Variants in PRMT3 observed in about 807,000 individuals in gnomAD.
PRMT3 encodes protein arginine N-methyltransferase 3.
Under a neutral mutation model 71.9 loss-of-function variants are expected in PRMT3, and 62 were observed. That is an observed-to-expected ratio of 0.86 (90% CI 0.70 to 1.07). The LOEUF (loss-of-function observed/expected upper bound fraction) is 1.07. Among genes scored for constraint, PRMT3 ranks in the 50% least tolerant of loss-of-function variants. PRMT3 has a pLI of 0.00. For synonymous variants in PRMT3, 213 were observed against 220.4 expected (o/e 0.97, Z 0.30); for missense variants, 663 against 643.0 (o/e 1.03, Z -0.34).
chr11:20,469,268 AATTTAGAAGTCATATGTTTT>A (rs1850587100), intron 13 of PRMT3, among the ~76,000 whole-genome samples: 1 of 152,190 alleles, frequency 6.6e-6, no homozygotes, highest in Admixed American at 6.5e-5. Flanking sequence ...AAGACTATAA[AATTTAGAAGTCATATGTTTT>A]ATCTTGTGAG....
In PRMT3 at chr11:20,387,869, A is replaced by G; in HGVS notation, c.28+95A>G. 8 of 1,531,114 alleles carry G rather than the reference A, an allele frequency of 5.2e-6. No individual in the cohort carries two copies. The highest frequency in any genetic ancestry group is 7.0e-6 in the Non-Finnish European group (8 of 1,136,918). 94.8% of individuals were successfully genotyped at this position (1,531,114 alleles called of 1,614,324 possible). On this transcript the variant is annotated intron_variant, in intron 1 of 15. Coordinates refer to ENST00000331079, the MANE Select transcript of PRMT3 (RefSeq NM_005788.4). The surrounding 1 kb of genome is among the most constrained non-coding windows in gnomAD (Gnocchi z 4.3). Reference sequence around the variant, plus strand: ...GACCCTCCGGGACACGGGCCCGGGCAGGGTGGGGGGCTCGCAGGGATCATG... The same window carrying G: ...GACCCTCCGGGACACGGGCCCGGGCGGGGTGGGGGGCTCGCAGGGATCATG...
chr11:20,501,705 T>G (rs1213145692), intron 15 of PRMT3, among the ~76,000 whole-genome samples: 1 of 152,212 alleles, frequency 6.6e-6, no homozygotes, highest in Non-Finnish European at 1.5e-5. Context: ...ATAGAGTTAT[T>G]TTGCCTAGAT....
intron 11 of PRMT3, among the ~76,000 whole-genome samples, chr11:20,455,442 T>C (rs1272753322): frequency 6.6e-6 from 1 of 152,134 alleles, no homozygotes; most frequent in Non-Finnish European, 1.5e-5. Flanking sequence ...AGATCCTGTC[T>C]ATGTCTCTTG....
chr11:20,433,516 A>G (rs533227896), intron 10 of PRMT3, among the ~76,000 whole-genome samples: 6 of 152,294 alleles, frequency 3.9e-5, no homozygotes, highest in South Asian at 2.1e-4. Flanking sequence ...TAATGCTGCA[A>G]TGAACATTCA....
At chr11:20,442,931 T>G (rs532780829) in intron 10 of PRMT3, among the ~76,000 whole-genome samples, 2 of 152,294 alleles carry the variant, frequency 1.3e-5, no homozygotes, top group East Asian at 3.9e-4. Context: ...GCATGATGGC[T>G]TATACCTGTA....
chr11:20,393,893 T>G (rs962334471), intron 5 of PRMT3: 5 of 152,188 alleles, frequency 3.3e-5, no homozygotes, highest in African/African-American at 4.8e-5. Context: ...ATACCAGCCT[T>G]ATATAGTTTG....
intron 13 of PRMT3, among the ~76,000 whole-genome samples, chr11:20,475,594 A>T (rs1461105704): frequency 6.7e-6 from 1 of 150,176 alleles, no homozygotes; most frequent in Non-Finnish European, 1.5e-5. Flanking sequence ...AAAGTCCTTT[A>T]TTTTGGATTC....
At chr11:20,441,134 T>G (rs944577810) in intron 10 of PRMT3, among the ~76,000 whole-genome samples, 2 of 151,944 alleles carry the variant, frequency 1.3e-5, no homozygotes, top group Non-Finnish European at 1.5e-5. Flanking sequence ...TTTTACTTTC[T>G]GGTACTAGAA....
intron 14 of PRMT3, 71 bp downstream of exon 14, chr11:20,494,040 A>G (rs1851274981): frequency 1.8e-5 from 27 of 1,466,004 alleles, no homozygotes; most frequent in Middle Eastern, 3.5e-4. Flanking sequence ...TTGTGCCCCA[A>G]GGTGTTTAAT....
chr11:20,430,316 G>A (rs1021305002), intron 10 of PRMT3, among the ~76,000 whole-genome samples: 1 of 152,130 alleles, frequency 6.6e-6, no homozygotes, highest in African/African-American at 2.4e-5. Flanking sequence ...ATCCGGTATA[G>A]CAGTGTAGAA....
At chr11:20,440,379 CT>C (rs1565213232) in intron 10 of PRMT3, among the ~76,000 whole-genome samples, 1 of 151,596 alleles carries the variant, frequency 6.6e-6, no homozygotes, top group African/African-American at 2.4e-5. Context: ...GGTGTGGTGG[CT>C]CACGCCTGTA....
chr11:20,417,645 A>G (rs972962092), intron 9 of PRMT3, among the ~76,000 whole-genome samples: 1 of 152,236 alleles, frequency 6.6e-6, no homozygotes, highest in African/African-American at 2.4e-5. Context: ...TAAGTAAAAT[A>G]TAGACTTGAA....
At chr11:20,498,053 A>T (rs1851373303) in intron 15 of PRMT3, among the ~76,000 whole-genome samples, 1 of 152,234 alleles carries the variant, frequency 6.6e-6, no homozygotes, top group Non-Finnish European at 1.5e-5. Context: ...TGAAAATGTC[A>T]TTTGATGGAA....
intron 3 of PRMT3, among the ~76,000 whole-genome samples, chr11:20,390,670 G>A (rs1848693125): frequency 6.6e-6 from 1 of 152,208 alleles, no homozygotes; most frequent in African/African-American, 2.4e-5. Context: ...ATGTAGAAGA[G>A]CTATACTACA....
intron 13 of PRMT3, among the ~76,000 whole-genome samples, chr11:20,493,458 A>G (rs1036703255): frequency 7.2e-5 from 11 of 152,226 alleles, no homozygotes; most frequent in Non-Finnish European, 1.5e-4. Flanking sequence ...CGATTCTGCA[A>G]TCCTGACTGG....
rs1047873791 is a variant in PRMT3 at position 20,421,084 on chromosome 11, G to A, written c.894-5682G>A. On this transcript the variant is annotated intron_variant, in intron 9 of 15. Coordinates refer to ENST00000331079, the MANE Select transcript of PRMT3 (RefSeq NM_005788.4). ...GACAGGGTCTTAGTTTGTCATCCAG[G>A]CTGGAGTGCACTGGCAAGGTCATGT... Among the ~76,000 whole-genome samples, 14 of 152,118 alleles carry A rather than the reference G, an allele frequency of 9.2e-5. No homozygotes were observed. In the East Asian group the frequency reaches 2.3e-3, roughly 25 times the overall value.
intron 9 of PRMT3, among the ~76,000 whole-genome samples, chr11:20,417,113 G>T (rs73447071): frequency 0.037 from 5,579 of 152,156 alleles, 307 homozygotes; most frequent in African/African-American, 0.13. Context: ...ACTGAGTACT[G>T]GGTCTTTCTT....
intron 11 of PRMT3, among the ~76,000 whole-genome samples, chr11:20,454,579 A>T (rs1850226407): frequency 1.3e-5 from 2 of 152,218 alleles, no homozygotes; most frequent in Admixed American, 6.5e-5. Flanking sequence ...CAAGAGAAAG[A>T]AAGTTCAGAA....
At chr11:20,490,082 T>G (rs1370289841) in intron 13 of PRMT3, among the ~76,000 whole-genome samples, 2 of 151,094 alleles carry the variant, frequency 1.3e-5, no homozygotes, top group East Asian at 3.9e-4. Context: ...AGCAGCAATC[T>G]TCCACTTTCT....
Sources: gnomAD v4.1 joint callset for allele counts (sites outside exome capture counted in the v4.1 genomes callset) on GRCh38, gnomAD v4.1.1 for gene constraint, Gnocchi (gnomAD v3.1) non-coding constraint, MANE v1.5 for transcripts, NCBI Gene and HGNC (gene_info 2026-07-23, HGNC 2026-07-21) for gene names.